Variants in SLC45A2 observed in about 807,000 individuals in gnomAD.
The protein encoded by SLC45A2 is membrane-associated transporter protein.
A neutral mutation model predicts 45.5 loss-of-function variants in SLC45A2; 36 were observed. The observed-to-expected ratio is 0.79, with a 90% CI of 0.61 to 1.04. The LOEUF (loss-of-function observed/expected upper bound fraction) is 1.04. Among genes scored for constraint, SLC45A2 ranks in the 50% least tolerant of loss-of-function variants. The pLI, the probability that SLC45A2 is intolerant of heterozygous loss-of-function variation, is 0.00. For synonymous variants in SLC45A2, 306 were observed against 269.3 expected, an observed-to-expected ratio of 1.14 and a Z score of -1.33; for missense variants, 719 against 671.0, an observed-to-expected ratio of 1.07 and a Z score of -0.79.
Position 33,984,627 on chromosome 5 carries a change from C to T in SLC45A2, c.-44G>A, listed in dbSNP as rs1329753911. 2.5e-6 allele frequency: 4 copies of T among 1,601,782 alleles called. No individual in the cohort carries two copies. The African/African-American group carries it at 4.0e-5, about 16-fold the overall frequency. ...CTTCCTGCGAGCCCACCACCTCCTG[C>T]GTGGTCCTAGGGTCTGTGTTTCAAA... On this transcript the variant is annotated 5_prime_UTR_variant, in exon 1 of 7. Transcript: ENST00000296589.
Position 33,944,840 on chromosome 5 carries a change from G to A in SLC45A2, c.1401C>T (p.Asn467=), listed in dbSNP as rs1158895327. The A allele has an allele frequency of 2.5e-6, 4 of 1,613,778 alleles. No individual in the cohort carries two copies. Among genetic ancestry groups the A allele is most frequent in the Admixed American group, 3.3e-5 (2 of 59,970 alleles). The change falls in exon 7 of 7, where the codon AAC becomes AAT. Residue 467 remains asparagine (N), a synonymous_variant. Transcript: ENST00000296589. The part of the protein sequence containing the change: ...RQQAPGGDPD[N]SVRGKGMDCA... ...AGTCCATGCCCTTCCCTCTCACGCT[G>A]TTGTCTGGGTCCCCTCCTGGGGCCT...
chr5:33,946,339 G>T (rs949475157), intron 6 of SLC45A2: 10 of 985,366 alleles, frequency 1.0e-5, no homozygotes, highest in Non-Finnish European at 1.2e-5. Flanking sequence ...AACATGGCCA[G>T]AATTATAGTC....
chr5:33,946,701 C>G (rs763714276), intron 6 of SLC45A2: 27 of 1,051,170 alleles, frequency 2.6e-5, no homozygotes, highest in Non-Finnish European at 3.0e-5. Context: ...ACTTTCCTAC[C>G]CTCAGCAAAT....
intron 5 of SLC45A2, among the ~76,000 whole-genome samples, chr5:33,951,129 T>G (rs2111913401): frequency 6.6e-6 from 1 of 152,276 alleles, no homozygotes; most frequent in South Asian, 2.1e-4. Flanking sequence ...CTAAGGTCAT[T>G]TTGCATGCTG....
At chr5:33,975,845 T>C (rs1752913835) in intron 2 of SLC45A2, among the ~76,000 whole-genome samples, 1 of 152,106 alleles carries the variant, frequency 6.6e-6, no homozygotes, top group Non-Finnish European at 1.5e-5. Context: ...GCAGATTTGC[T>C]TTCTTCATTT....
intron 2 of SLC45A2, among the ~76,000 whole-genome samples, chr5:33,974,563 C>T (rs900418678): frequency 1.3e-5 from 2 of 152,142 alleles, no homozygotes; most frequent in Non-Finnish European, 2.9e-5. Flanking sequence ...CATGCCTCTG[C>T]CGGAAAACGT....
In SLC45A2 at chr5:33,958,281, A is replaced by G. The variant is rs143466576; in HGVS notation, c.889-3777T>C. Among the ~76,000 whole-genome samples the G allele has an allele frequency of 2.3e-3, 347 of 152,304 alleles. 1 individual carries two copies. Among genetic ancestry groups the G allele is most frequent in the African/African-American group, 7.9e-3 (329 of 41,574 alleles). On this transcript the variant is annotated intron_variant, in intron 3 of 6. Transcript: ENST00000296589. ...TCAGCCCTCTTGCCATTAAAAAAGA[A>G]AAATTTGTTCTTAAATTACACAGCC...
intron 3 of SLC45A2, among the ~76,000 whole-genome samples, chr5:33,958,576 G>A (rs544719232): frequency 1.1e-4 from 17 of 152,258 alleles, no homozygotes; most frequent in Admixed American, 9.2e-4. Context: ...GTGTGCAGCG[G>A]CATGATCACA....
intron 2 of SLC45A2, among the ~76,000 whole-genome samples, chr5:33,980,047 C>A (rs1236891771): frequency 6.6e-6 from 1 of 152,184 alleles, no homozygotes; most frequent in East Asian, 1.9e-4. Flanking sequence ...CTCTTAATAT[C>A]GAGTTCAAAA....
intron 6 of SLC45A2, among the ~76,000 whole-genome samples, chr5:33,945,418 TC>T (rs1290704503): frequency 6.6e-6 from 1 of 152,242 alleles, no homozygotes; most frequent in African/African-American, 2.4e-5. Flanking sequence ...AAAAAGCATT[TC>T]AATCTTTCAA....
intron 3 of SLC45A2, among the ~76,000 whole-genome samples, chr5:33,961,988 C>T (rs1313606120): frequency 6.6e-6 from 1 of 152,180 alleles, no homozygotes; most frequent in Non-Finnish European, 1.5e-5. Context: ...TCTTTCCTTT[C>T]CTTTCTCCTT....
intron 2 of SLC45A2, among the ~76,000 whole-genome samples, chr5:33,970,416 C>T (rs1431835305): frequency 1.3e-5 from 2 of 152,244 alleles, no homozygotes; most frequent in Non-Finnish European, 2.9e-5. Flanking sequence ...TATTGTTTGG[C>T]CTGTTCCTGT....
intron 6 of SLC45A2, among the ~76,000 whole-genome samples, chr5:33,945,655 T>C (rs558594148): frequency 6.6e-6 from 1 of 151,692 alleles, no homozygotes; most frequent in East Asian, 1.9e-4. Flanking sequence ...TTTTGAGTCT[T>C]TGTCGGGTGC....
At chr5:33,971,416 C>G (rs1752773079) in intron 2 of SLC45A2, 3 of 448,608 alleles carry the variant, frequency 6.7e-6, no homozygotes, top group Non-Finnish European at 1.3e-5. Flanking sequence ...CTATTGCTGG[C>G]CAGCTGGACT....
In SLC45A2 at chr5:33,951,584, T is replaced by G. The variant is rs750282272; in HGVS notation, c.1126A>C (p.Ile376Leu). ...TAAAGTGAGGAAAACACGGAGTTGA[T>G]GCACAAGCCCCAACATCCAACCTCG... The part of the protein sequence containing the change: ...GVEVGCWGLC[I>L]NSVFSSLYSY... Residue 376 changes from isoleucine to leucine, a missense_variant, in exon 5 of 7, where the codon ATC becomes CTC. Transcript: ENST00000296589. 1.2e-6 allele frequency: 2 copies of G among 1,613,996 alleles called. No individual in the cohort carries two copies. Among genetic ancestry groups the G allele is most frequent in the Admixed American group, 1.7e-5 (1 of 60,012 alleles).
intron 2 of SLC45A2, chr5:33,971,467 C>G (rs879940022): frequency 1.2e-5 from 5 of 401,114 alleles, no homozygotes; most frequent in Non-Finnish European, 2.4e-5. Flanking sequence ...GAGACAGGGT[C>G]TCACTCTATT....
At chr5:33,981,181 TC>T (rs1361607191) in intron 2 of SLC45A2, among the ~76,000 whole-genome samples, 1 of 152,206 alleles carries the variant, frequency 6.6e-6, no homozygotes, top group Non-Finnish European at 1.5e-5. Context: ...GGGGCTGCAC[TC>T]CTGCCCCTCT....
intron 2 of SLC45A2, among the ~76,000 whole-genome samples, chr5:33,975,760 C>T (rs538098357): frequency 1.3e-5 from 2 of 152,284 alleles, no homozygotes; most frequent in East Asian, 3.9e-4. Flanking sequence ...CCTCCTTAGG[C>T]CACTGAATGC....
At chr5:33,959,318 A>C (rs1217419066) in intron 3 of SLC45A2, among the ~76,000 whole-genome samples, 1 of 152,216 alleles carries the variant, frequency 6.6e-6, no homozygotes, top group African/African-American at 2.4e-5. Flanking sequence ...GAATGTTATC[A>C]TATAGATATT....
Sources: allele counts gnomAD v4.1 joint callset (sites outside exome capture counted in the v4.1 genomes callset), GRCh38; gene constraint gnomAD v4.1.1; transcripts MANE v1.5; gene names NCBI Gene and HGNC (gene_info 2026-07-23, HGNC 2026-07-21).